The following KRT85 variants were observed in gnomAD, a reference collection of about 807,000 sequenced individuals.
KRT85 encodes the protein keratin, type II cuticular Hb5.
A neutral mutation model predicts 53.7 loss-of-function variants in KRT85; 39 were observed. The observed-to-expected ratio is 0.73, with a 90% confidence interval of 0.56 to 0.95. The LOEUF is 0.95. Among genes scored for constraint, KRT85 ranks in the 40% least tolerant of loss-of-function variants. The pLI is 0.00. For missense variants in KRT85, 668 were observed against 686.0 expected (o/e 0.97, Z 0.29); for synonymous variants, 291 against 277.5 (o/e 1.05, Z -0.48).
intron 1 of KRT85, among the ~76,000 whole-genome samples, chr12:52,366,633 G>A (rs2885136): frequency 0.44 from 66,173 of 151,848 alleles, 14,810 homozygotes; most frequent in South Asian, 0.52. Context: ...TCACACACAT[G>A]TACACACTCA....
Position 52,367,468 on chromosome 12 carries a change from C to T in KRT85, c.-63G>A. On this transcript the variant is annotated 5_prime_UTR_variant, in exon 1 of 9. Coordinates refer to ENST00000257901, the MANE Select transcript of KRT85 (RefSeq NM_002283.4). ...GTGGTGCGGGCGGCAGAGTGCGAGGCTCAGGATCCTTCTGCTCTCTCTGAT... is the reference window on the plus strand; with the variant it reads ...GTGGTGCGGGCGGCAGAGTGCGAGGTTCAGGATCCTTCTGCTCTCTCTGAT... The T allele has an allele frequency of 2.0e-6, 3 of 1,536,988 alleles. No individual in the cohort carries two copies. The highest frequency in any genetic ancestry group is 2.7e-6 in the Non-Finnish European group (3 of 1,117,520).
chr12:52,364,515 T>G, intron 2 of KRT85, 149 bp from the exon 3 acceptor site: 1 of 1,517,526 alleles, frequency 6.6e-7, no homozygotes, highest in South Asian at 1.3e-5. Flanking sequence ...TTTGTATTAT[T>G]CATGGGCCAG....
At chr12:52,366,925 G>A in intron 1 of KRT85, 61 bp downstream of exon 1, 2 of 1,612,828 alleles carry the variant, frequency 1.2e-6, no homozygotes, top group African/African-American at 1.3e-5. Context: ...CAGCAGACTG[G>A]GACCTCCCCA....
chr12:52,361,103 A>G, intron 8 of KRT85, 57 bp from the exon 9 acceptor site: 1 of 1,460,978 alleles, frequency 6.8e-7, no homozygotes, highest in Non-Finnish European at 9.4e-7. Flanking sequence ...CACCCACCCT[A>G]CAACAGGCCC....
At position 52,365,028 on chromosome 12, in the gene KRT85, G is replaced by A. The variant is rs2121406329; in HGVS notation, c.563C>T (p.Ala188Val). The change falls in exon 2 of 9, where the codon GCC (alanine) becomes GTC (valine). Residue 188 changes from alanine to valine, a missense_variant. By Grantham distance (64) the Ala-to-Val change is moderately conservative. Coordinates refer to ENST00000257901, the MANE Select transcript of KRT85 (RefSeq NM_002283.4). Reference sequence around the variant, plus strand: ...CTCTGAGGCCAGCCTCCCGCTGTCGGCCTCCACGCACTCGGCCTCCCGCCG... The same window carrying A: ...CTCTGAGGCCAGCCTCCCGCTGTCGACCTCCACGCACTCGGCCTCCCGCCG... ...TLRREAECVE[A>V]DSGRLASELN... is the part of the protein sequence containing the mutation. The A allele has an allele frequency of 6.2e-7, 1 of 1,613,284 alleles. No homozygotes were observed. Among genetic ancestry groups the A allele is most frequent in the African/African-American group, 1.3e-5 (1 of 75,028 alleles).
chr12:52,362,419 G>C lies in KRT85; in HGVS notation c.1130C>G (p.Ala377Gly), dbSNP rs769062685. 2 of 1,613,324 alleles carry C rather than the reference G, an allele frequency of 1.2e-6. No homozygotes were observed. Among genetic ancestry groups the C allele is most frequent in the Non-Finnish European group, 1.7e-6 (2 of 1,179,764 alleles). Residue 377 changes from alanine (A) to glycine (G), a missense_variant, in exon 7 of 9, where the codon GCC becomes GGC. Physicochemically the swap from Ala to Gly is moderately conservative, Grantham distance 60. Coordinates refer to ENST00000257901, the MANE Select transcript of KRT85 (RefSeq NM_002283.4). ...VAEAEQQGEA[A>G]LSDARCKLAE... ...CAGCTTGCAGCGGGCATCGCTGAGG[G>C]CCGCCTCACCCTGCTGCTCTGCCTC...
intron 6 of KRT85, 24 bp from the exon 7 acceptor site, chr12:52,362,495 C>T: frequency 6.2e-7 from 1 of 1,612,796 alleles, no homozygotes; most frequent in South Asian, 1.1e-5. Flanking sequence ...ATACAAGGGC[C>T]AGGATGAGAA....
intron 1 of KRT85, among the ~76,000 whole-genome samples, chr12:52,366,196 G>A (rs947208758): frequency 3.9e-5 from 6 of 152,240 alleles, no homozygotes; most frequent in Non-Finnish European, 7.3e-5. Context: ...CCACCTCCCT[G>A]TCTGCATTTC....
At chr12:52,364,894 G>A (rs1215238478) in intron 2 of KRT85, 68 bp downstream of exon 2, 2 of 1,610,428 alleles carry the variant, frequency 1.2e-6, no homozygotes, top group Admixed American at 1.7e-5. Context: ...TGGCAAGAGG[G>A]CTATGGGCAG....
rs751094365 is a variant in KRT85 at position 52,365,020 on chromosome 12, C to G, written c.571G>C (p.Gly191Arg). 1 of 1,613,126 alleles carries G rather than the reference C, an allele frequency of 6.2e-7. No individual in the cohort carries two copies. Among genetic ancestry groups the G allele is most frequent in the Non-Finnish European group, 8.5e-7 (1 of 1,180,044 alleles). Residue 191 changes from glycine (G) to arginine (R), a missense_variant, in exon 2 of 9, where the codon GGG becomes CGG. Transcript: ENST00000257901. ...REAECVEADS[G>R]RLASELNHVQ... Reference sequence around the variant, plus strand: ...TGGTTGAGCTCTGAGGCCAGCCTCCCGCTGTCGGCCTCCACGCACTCGGCC... The same window carrying G: ...TGGTTGAGCTCTGAGGCCAGCCTCCGGCTGTCGGCCTCCACGCACTCGGCC...
At chr12:52,366,643 A>C (rs1413324396) in intron 1 of KRT85, among the ~76,000 whole-genome samples, 1 of 151,252 alleles carries the variant, frequency 6.6e-6, no homozygotes, top group Non-Finnish European at 1.5e-5. Context: ...GTACACACTC[A>C]CATGCATACA....
In KRT85 at chr12:52,361,509, A is replaced by G; in HGVS notation, c.1299-11T>C. On this transcript the variant is annotated splice_polypyrimidine_tract_variant and intron_variant, in intron 7 of 8. Transcript: ENST00000257901. ...ACACCTTCACACAGCCTATGGAGAA[A>G]GAAAACTCTGTTAGTTCCAGACACT... The G allele has an allele frequency of 6.2e-7, 1 of 1,613,490 alleles. No homozygotes were observed. The highest frequency in any genetic ancestry group is 8.5e-7 in the Non-Finnish European group (1 of 1,179,364).
chr12:52,363,051 A>G, intron 5 of KRT85, 72 bp from the exon 6 acceptor site: 10 of 1,611,618 alleles, frequency 6.2e-6, no homozygotes, highest in Non-Finnish European at 8.5e-6. Flanking sequence ...ACAGATGACT[A>G]TACAGGTTGT....
At position 52,367,420 on chromosome 12, in the gene KRT85, CAG is replaced by C. The variant is rs1939291658; in HGVS notation, c.-17_-16del. On this transcript the variant is annotated 5_prime_UTR_variant, in exon 1 of 9. Transcript: ENST00000257901. The stretch of plus-strand genomic sequence containing the variant: ...CGGCACGACATCGTGTGAGGCTGAG[CAG>C]AGTCTGAGAGGCAGCGGAAGGTGGT... 8 of 1,613,846 alleles carry C rather than the reference CAG, an allele frequency of 5.0e-6. No homozygotes were observed. The highest frequency in any genetic ancestry group is 6.8e-6 in the Non-Finnish European group (8 of 1,179,954).
chr12:52,364,517 A>G (rs1157931376), intron 2 of KRT85, 151 bp from the exon 3 acceptor site: 8 of 1,514,732 alleles, frequency 5.3e-6, no homozygotes, highest in African/African-American at 4.1e-5. Context: ...TGTATTATTC[A>G]TGGGCCAGCC....
rs1939292631 is a variant in KRT85 at position 52,367,463 on chromosome 12, CGA to C, written c.-60_-59del. On this transcript the variant is annotated 5_prime_UTR_variant, in exon 1 of 9. Transcript: ENST00000257901. Reference sequence around the variant, plus strand: ...GGAAGGTGGTGCGGGCGGCAGAGTGCGAGGCTCAGGATCCTTCTGCTCTCTCT... The same window carrying C: ...GGAAGGTGGTGCGGGCGGCAGAGTGCGGCTCAGGATCCTTCTGCTCTCTCT... 1 of 1,564,372 alleles carries C rather than the reference CGA, an allele frequency of 6.4e-7. No individual in the cohort carries two copies. The highest frequency in any genetic ancestry group is 8.8e-7 in the Non-Finnish European group (1 of 1,140,844).
rs895370962 is a variant in KRT85 at position 52,361,390 on chromosome 12, C to T, written c.1330+77G>A. The T allele has an allele frequency of 4.5e-6, 6 of 1,343,818 alleles. No individual in the cohort carries two copies. In the East Asian group the frequency reaches 1.4e-4, roughly 31 times the overall value. 83.2% of individuals were successfully genotyped at this position (1,343,818 alleles called of 1,614,324 possible). On this transcript the variant is annotated intron_variant, in intron 8 of 8. Transcript: ENST00000257901. Reference sequence around the variant, plus strand: ...AACAGTTGGGGGAACACTCGAGGCTCCATGGGTTAGGCCAATGAGTTCAGC... The same window carrying T: ...AACAGTTGGGGGAACACTCGAGGCTTCATGGGTTAGGCCAATGAGTTCAGC...
intron 4 of KRT85, 22 bp from the exon 5 acceptor site, chr12:52,363,432 C>CCAGGCACTAG (rs777330819): frequency 2.5e-6 from 4 of 1,614,088 alleles, no homozygotes; most frequent in Non-Finnish European, 3.4e-6. Flanking sequence ...ACAGCCAGTG[C>CCAGGCACTAG]ATTTGCTTCT....
chr12:52,362,773 A>T lies in KRT85; in HGVS notation c.1077+81T>A. On this transcript the variant is annotated intron_variant, in intron 6 of 8. Coordinates refer to ENST00000257901, the MANE Select transcript of KRT85 (RefSeq NM_002283.4). The stretch of plus-strand genomic sequence containing the variant: ...CTTCCCTCTGGGTCCCTGCTTCCTC[A>T]TGGGCACACTGTGAAGCCTGATTAG... 1.9e-6 allele frequency: 3 copies of T among 1,605,422 alleles called. No homozygotes were observed. The South Asian group carries it at 3.3e-5, about 18-fold the overall frequency.
Sources: gnomAD v4.1 joint callset for allele counts (sites outside exome capture counted in the v4.1 genomes callset) on GRCh38, gnomAD v4.1.1 for gene constraint, MANE v1.5 for transcripts, NCBI Gene and HGNC (gene_info 2026-07-23, HGNC 2026-07-21) for gene names.